ZNF804A: variants seen among roughly 807,000 people sequenced by gnomAD.
ZNF804A encodes the protein zinc finger protein 804A.
A neutral mutation model predicts 16.5 loss-of-function variants in ZNF804A; 2 were observed. The ratio of observed to expected loss-of-function variants is 0.12; its 90% CI spans 0.05 to 0.38. The LOEUF is 0.38. ZNF804A is among the 10% of genes least tolerant of loss of function. The probability of loss-of-function intolerance (pLI) is 0.99; values close to 1 mark genes in which losing one functional copy is unlikely to be tolerated. For missense variants in ZNF804A, 1,473 were observed against 1,390.7 expected, an observed-to-expected ratio of 1.06 and a Z score of -0.94; for synonymous variants, 534 against 489.6, an observed-to-expected ratio of 1.09 and a Z score of -1.20.
At chr2:184,839,316 A>G (rs1394544459) in intron 1 of ZNF804A, among the ~76,000 whole-genome samples, 1 of 152,098 alleles carries the variant, frequency 6.6e-6, no homozygotes, top group Non-Finnish European at 1.5e-5. Context: ...TTATTACATT[A>G]GAGTATCATA....
In ZNF804A at chr2:184,721,468, G is replaced by T. The variant is rs537478907; in HGVS notation, c.111+122398G>T. On this transcript the variant is annotated intron_variant, in intron 1 of 3. Coordinates refer to ENST00000302277, the MANE Select transcript of ZNF804A (RefSeq NM_194250.2). ...AATAAGACATACAAACGTCCAACAG[G>T]TATATAAAAAAAAATGCTTAACATC... is the stretch of plus-strand genomic sequence containing the variant. Among the ~76,000 whole-genome samples the T allele has an allele frequency of 1.6e-4, 25 of 151,798 alleles. No homozygotes were observed. The South Asian group carries it at 5.2e-3, about 32-fold the overall frequency.
intron 1 of ZNF804A, among the ~76,000 whole-genome samples, chr2:184,852,446 T>C (rs1359503020): frequency 6.6e-6 from 1 of 151,026 alleles, no homozygotes; most frequent in Non-Finnish European, 1.5e-5. Context: ...TACTTTGAGG[T>C]TATCTCATTT....
chr2:184,624,294 A>G (rs1325065003), intron 1 of ZNF804A, among the ~76,000 whole-genome samples: 5 of 152,176 alleles, frequency 3.3e-5, no homozygotes, highest in Non-Finnish European at 7.4e-5. Context: ...TTTTACCACA[A>G]TAAAAAAGCC....
At chr2:184,706,426 G>A (rs1444844664) in intron 1 of ZNF804A, among the ~76,000 whole-genome samples, 1 of 152,186 alleles carries the variant, frequency 6.6e-6, no homozygotes, top group Non-Finnish European at 1.5e-5. Context: ...CGAAAGTGCA[G>A]GCTAGGGGCA....
intron 1 of ZNF804A, among the ~76,000 whole-genome samples, chr2:184,840,135 TC>T (rs1219565498): frequency 2.0e-5 from 3 of 152,216 alleles, no homozygotes; most frequent in Non-Finnish European, 4.4e-5. Context: ...ACACCTGTAA[TC>T]CCAGCACTTT....
chr2:184,605,494 A>C (rs1267541872), intron 1 of ZNF804A, among the ~76,000 whole-genome samples: 1 of 152,148 alleles, frequency 6.6e-6, no homozygotes, highest in Non-Finnish European at 1.5e-5. Flanking sequence ...GGATATTTTG[A>C]GTATCTCAAA....
chr2:184,662,466 A>C (rs1692189924), intron 1 of ZNF804A, among the ~76,000 whole-genome samples: 1 of 152,190 alleles, frequency 6.6e-6, no homozygotes, highest in South Asian at 2.1e-4. Flanking sequence ...ATAACTCATT[A>C]GTCTACTTGG....
chr2:184,796,719 A>G (rs1488655159), intron 1 of ZNF804A, among the ~76,000 whole-genome samples: 5 of 151,900 alleles, frequency 3.3e-5, no homozygotes, highest in Non-Finnish European at 7.4e-5. Context: ...GTGTCCTTAG[A>G]ATGTCAGTTT....
chr2:184,868,309 C>A (rs986316979), intron 2 of ZNF804A, among the ~76,000 whole-genome samples: 1 of 151,974 alleles, frequency 6.6e-6, no homozygotes, highest in African/African-American at 2.4e-5. Flanking sequence ...GATAATAGTG[C>A]GTCTTTGAGC....
chr2:184,724,495 A>G (rs1166124579), intron 1 of ZNF804A, among the ~76,000 whole-genome samples: 1 of 151,616 alleles, frequency 6.6e-6, no homozygotes, highest in African/African-American at 2.4e-5. Context: ...TTCCCAATAC[A>G]GAAATTCACG....
intron 1 of ZNF804A, among the ~76,000 whole-genome samples, chr2:184,705,386 A>G (rs535541775): frequency 6.6e-6 from 1 of 152,352 alleles, no homozygotes; most frequent in Admixed American, 6.5e-5. Flanking sequence ...GTAAAAATAA[A>G]TATGATATTA....
At chr2:184,870,066 C>T (rs1349110642) in intron 2 of ZNF804A, among the ~76,000 whole-genome samples, 1 of 151,972 alleles carries the variant, frequency 6.6e-6, no homozygotes, top group Non-Finnish European at 1.5e-5. Context: ...GGCAGGGACT[C>T]TTTCTTACAT....
chr2:184,652,796 A>C (rs905987984), intron 1 of ZNF804A, among the ~76,000 whole-genome samples: 2 of 151,766 alleles, frequency 1.3e-5, no homozygotes, highest in Admixed American at 1.3e-4. Context: ...ATGGGAGGTG[A>C]TTAGATTATG....
chr2:184,839,826 A>G (rs1433922705), intron 1 of ZNF804A, among the ~76,000 whole-genome samples: 2 of 152,062 alleles, frequency 1.3e-5, no homozygotes, highest in Non-Finnish European at 2.9e-5. Flanking sequence ...TTATTTTTTC[A>G]TTTTTGATTA....
At chr2:184,878,339 G>A (rs79413898) in intron 2 of ZNF804A, among the ~76,000 whole-genome samples, 2,640 of 152,104 alleles carry the variant, frequency 0.017, 83 homozygotes, top group African/African-American at 0.06. Flanking sequence ...ACAAAGCTCG[G>A]TTTGAGTCAC....
chr2:184,921,980 T>A (rs1685535099), intron 2 of ZNF804A, among the ~76,000 whole-genome samples: 1 of 152,152 alleles, frequency 6.6e-6, no homozygotes, highest in South Asian at 2.1e-4. Flanking sequence ...TGATAATTTA[T>A]GTGTTTATGT....
intron 1 of ZNF804A, among the ~76,000 whole-genome samples, chr2:184,780,080 A>G (rs1259846825): frequency 6.6e-6 from 1 of 151,838 alleles, no homozygotes. Flanking sequence ...GACTGTATGT[A>G]CAGCTCAGAC....
At chr2:184,858,315 A>T (rs1181371182) in intron 1 of ZNF804A, among the ~76,000 whole-genome samples, 1 of 151,836 alleles carries the variant, frequency 6.6e-6, no homozygotes, top group Non-Finnish European at 1.5e-5. Flanking sequence ...ACCAACCTGG[A>T]CAACATGGCG....
At chr2:184,817,812 T>C (rs943841379) in intron 1 of ZNF804A, among the ~76,000 whole-genome samples, 4 of 151,940 alleles carry the variant, frequency 2.6e-5, no homozygotes, top group African/African-American at 7.2e-5. Context: ...ATTACAGAGC[T>C]TGAAGACTAT....
Sources: allele counts gnomAD v4.1 joint callset (sites outside exome capture counted in the v4.1 genomes callset), GRCh38; gene constraint gnomAD v4.1.1; transcripts MANE v1.5; gene names NCBI Gene and HGNC (gene_info 2026-07-23, HGNC 2026-07-21).